Variants in OR56A3 observed in about 807,000 individuals in gnomAD.
OR56A3 encodes olfactory receptor family 56 subfamily A member 3, also known as olfactory receptor 56A3.
Under a neutral mutation model 17.5 loss-of-function variants are expected in OR56A3, and 23 were observed. That is an observed-to-expected ratio of 1.32 (90% CI 0.95 to 1.87). The LOEUF (loss-of-function observed/expected upper bound fraction) is 1.87, where lower values mean the gene tolerates loss of function less well. Among genes scored for constraint, OR56A3 ranks in the 40% most tolerant of loss-of-function variants. The pLI, the probability that OR56A3 is intolerant of heterozygous loss-of-function variation, is 0.00. For missense variants in OR56A3, 366 were observed against 380.1 expected (o/e 0.96, Z 0.31); for synonymous variants, 175 against 150.6 (o/e 1.16, Z -1.19).
chr11:5,971,956 A>C, the OR56A3 span, among the ~76,000 whole-genome samples: 13 of 152,196 alleles, frequency 8.5e-5, no homozygotes, highest in Non-Finnish European at 1.8e-4. Context: ...GAAGAAGAAA[A>C]AACTAGGGCT....
the OR56A3 span, chr11:6,021,422 T>C: frequency 2.0e-5 from 3 of 152,120 alleles, no homozygotes; most frequent in Non-Finnish European, 4.4e-5. Context: ...CACAAAGTAA[T>C]GATAAATGTT....
At chr11:5,962,535 T>TA in the OR56A3 span, among the ~76,000 whole-genome samples, 1 of 148,984 alleles carries the variant, frequency 6.7e-6, no homozygotes, top group Admixed American at 6.7e-5. Context: ...GCTTTTCTTT[T>TA]TTTTTTTTTT....
chr11:5,986,934 T>G, the OR56A3 span: 1 of 1,611,096 alleles, frequency 6.2e-7, no homozygotes, highest in Non-Finnish European at 8.5e-7. Context: ...AAGTCATGAT[T>G]TCTGCATTCC....
chr11:6,012,423 T>C, the OR56A3 span, among the ~76,000 whole-genome samples: 1 of 152,154 alleles, frequency 6.6e-6, no homozygotes, highest in Admixed American at 6.5e-5. Context: ...TGTTCAGTTA[T>C]CAGCAGAGGG....
At chr11:5,996,605 TA>T in the OR56A3 span, among the ~76,000 whole-genome samples, 1 of 151,686 alleles carries the variant, frequency 6.6e-6, no homozygotes, top group Admixed American at 6.6e-5. Flanking sequence ...TTCTTTCACA[TA>T]AGATGTATTT....
chr11:5,994,553 T>A, the OR56A3 span: 3 of 963,772 alleles, frequency 3.1e-6, no homozygotes, highest in South Asian at 2.5e-5. Context: ...CTTGAGAGCC[T>A]CGATCTCTGT....
downstream of OR56A3, among the ~76,000 whole-genome samples, chr11:5,955,239 T>TA (rs1258228402): frequency 1.3e-5 from 2 of 152,142 alleles, no homozygotes; most frequent in Non-Finnish European, 1.5e-5. Flanking sequence ...ACATAAAAAG[T>TA]AAAAAGATTA....
chr11:6,021,430 G>A, the OR56A3 span: 1 of 152,066 alleles, frequency 6.6e-6, no homozygotes, highest in African/African-American at 2.4e-5. Flanking sequence ...AATGATAAAT[G>A]TTTGAGATGA....
At chr11:5,983,628 G>C in the OR56A3 span, among the ~76,000 whole-genome samples, 1 of 152,168 alleles carries the variant, frequency 6.6e-6, no homozygotes, top group Admixed American at 6.5e-5. Flanking sequence ...CTTCCACAGA[G>C]GAAGGCTCTT....
At chr11:6,003,115 G>A in the OR56A3 span, 1 of 1,590,032 alleles carries the variant, frequency 6.3e-7, no homozygotes, top group Non-Finnish European at 8.6e-7. Context: ...CCCTGTATCT[G>A]TCCCAATAAA....
chr11:6,003,319 C>T, the OR56A3 span: 3 of 498,662 alleles, frequency 6.0e-6, no homozygotes, highest in Non-Finnish European at 1.0e-5. Context: ...CTTCTACCAC[C>T]ACGCAGTTTA....
the OR56A3 span, among the ~76,000 whole-genome samples, chr11:5,972,692 G>C: frequency 1.3e-5 from 2 of 152,124 alleles, no homozygotes; most frequent in Non-Finnish European, 2.9e-5. Context: ...GCGGTGGCGC[G>C]ATTTCGGCTC....
chr11:5,997,502 C>A, the OR56A3 span, among the ~76,000 whole-genome samples: 16 of 152,146 alleles, frequency 1.1e-4, no homozygotes, highest in African/African-American at 3.9e-4. Context: ...CACAGCCCAC[C>A]AGGGCTAAGG....
chr11:5,978,510 G>A, the OR56A3 span, among the ~76,000 whole-genome samples: 1 of 151,876 alleles, frequency 6.6e-6, no homozygotes, highest in African/African-American at 2.4e-5. Flanking sequence ...TTGGTTCTCA[G>A]CTTGGATAGT....
the OR56A3 span, among the ~76,000 whole-genome samples, chr11:5,987,399 A>T: frequency 6.6e-6 from 1 of 152,094 alleles, no homozygotes; most frequent in African/African-American, 2.4e-5. Flanking sequence ...TGTATTCCCT[A>T]TTCTGTGCAT....
the OR56A3 span, among the ~76,000 whole-genome samples, chr11:5,974,486 T>C: frequency 6.6e-6 from 1 of 152,340 alleles, no homozygotes; most frequent in African/African-American, 2.4e-5. Context: ...CAGTAGTTAG[T>C]ACCAGAAGGG....
At chr11:6,015,985 A>G in the OR56A3 span, among the ~76,000 whole-genome samples, 6 of 152,102 alleles carry the variant, frequency 3.9e-5, no homozygotes, top group Non-Finnish European at 7.4e-5. Flanking sequence ...ATGGAATGCT[A>G]TGGTGTGGAT....
the OR56A3 span, among the ~76,000 whole-genome samples, chr11:5,965,944 G>A: frequency 1.3e-5 from 2 of 151,918 alleles, no homozygotes; most frequent in Non-Finnish European, 2.9e-5. Context: ...AAAATGAGCT[G>A]GGAGCTGACC....
At chr11:5,995,199 T>C in the OR56A3 span, among the ~76,000 whole-genome samples, 1 of 152,226 alleles carries the variant, frequency 6.6e-6, no homozygotes, top group Non-Finnish European at 1.5e-5. Flanking sequence ...GACTCAGACT[T>C]AGCTGACGAC....
Sources: gnomAD v4.1 joint callset for allele counts (sites outside exome capture counted in the v4.1 genomes callset) on GRCh38, gnomAD v4.1.1 for gene constraint, MANE v1.5 for transcripts, NCBI Gene and HGNC (gene_info 2026-07-23, HGNC 2026-07-21) for gene names.